Variants in LPGAT1 observed in about 807,000 individuals in gnomAD.
The protein encoded by LPGAT1 is lysophosphatidylglycerol acyltransferase 1.
Under a neutral mutation model 47.5 loss-of-function variants are expected in LPGAT1, and 11 were observed. That is an observed-to-expected ratio of 0.23 (90% CI 0.15 to 0.38). The LOEUF (loss-of-function observed/expected upper bound fraction) is 0.38. Among genes scored for constraint, LPGAT1 ranks in the 10% least tolerant of loss-of-function variants. The pLI is 1.00. For synonymous variants in LPGAT1, 138 were observed against 144.2 expected, an observed-to-expected ratio of 0.96 and a Z score of 0.31; for missense variants, 293 against 439.0, an observed-to-expected ratio of 0.67 and a Z score of 2.97.
At chr1:211,810,733 G>C (rs1157182126) in intron 2 of LPGAT1, among the ~76,000 whole-genome samples, 1 of 152,144 alleles carries the variant, frequency 6.6e-6, no homozygotes, top group Non-Finnish European at 1.5e-5. Context: ...GCTAGGAAAA[G>C]AAGTCATTGT....
At chr1:211,810,718 C>T (rs1054643590) in intron 2 of LPGAT1, among the ~76,000 whole-genome samples, 5 of 145,582 alleles carry the variant, frequency 3.4e-5, no homozygotes, top group African/African-American at 1.3e-4. Flanking sequence ...GTACGTACCA[C>T]AGAAGCTAGG....
At chr1:211,799,483 AG>A (rs1659481350) in intron 2 of LPGAT1, among the ~76,000 whole-genome samples, 1 of 152,240 alleles carries the variant, frequency 6.6e-6, no homozygotes, top group South Asian at 2.1e-4. Context: ...GTTAGGAAGT[AG>A]GGGAACTGGG....
In LPGAT1 at chr1:211,743,503, T is replaced by C. The variant is rs536531456; in HGVS notation, c.*6396A>G. 59 of 152,218 alleles carry C rather than the reference T, an allele frequency of 3.9e-4. No individual in the cohort carries two copies. Among genetic ancestry groups the C allele is most frequent in the Admixed American group, 8.5e-4 (13 of 15,278 alleles). The allele number at this position is 152,218 out of a possible 1,614,324, so 9.4% of individuals were successfully genotyped here. On this transcript the variant is annotated 3_prime_UTR_variant, in exon 8 of 8. Coordinates refer to ENST00000366997, the MANE Select transcript of LPGAT1 (RefSeq NM_014873.3). The stretch of plus-strand genomic sequence containing the variant: ...TGATTTCTATCATATCAGCATGTTA[T>C]GATATGGTCACGCCTGCTCATACAG...
chr1:211,780,246 A>G (rs980698641), intron 5 of LPGAT1, among the ~76,000 whole-genome samples: 19 of 152,246 alleles, frequency 1.2e-4, no homozygotes, highest in African/African-American at 4.1e-4. Context: ...AGTTTTAGCA[A>G]GAGTTATATA....
intron 2 of LPGAT1, among the ~76,000 whole-genome samples, chr1:211,811,847 C>T (rs1310625864): frequency 6.6e-6 from 1 of 150,970 alleles, no homozygotes; most frequent in African/African-American, 2.4e-5. Context: ...CAGAGTGAGA[C>T]TCTGCCTAAA....
rs756578391 is a variant in LPGAT1 at position 211,757,573 on chromosome 1, C to T, written c.855-6506G>A. On this transcript the variant is annotated intron_variant, in intron 6 of 7. Transcript: ENST00000366997. ...TTCAGCAATAGTTGTAGTGACTGCA[C>T]TGGATCTGCAGGTGTCATGGGTTTA... 3.2e-4 allele frequency among the ~76,000 whole-genome samples: 49 copies of T among 152,146 alleles called. 1 individual carries two copies. Among genetic ancestry groups the T allele is most frequent in the Non-Finnish European group, 6.5e-4 (44 of 68,034 alleles).
At chr1:211,793,889 T>C (rs1286542919) in intron 2 of LPGAT1, among the ~76,000 whole-genome samples, 1 of 151,956 alleles carries the variant, frequency 6.6e-6, no homozygotes, top group Non-Finnish European at 1.5e-5. Context: ...AATAGGAGAG[T>C]ATAAACCCGT....
chr1:211,828,611 C>CA (rs1273989878), intron 2 of LPGAT1, among the ~76,000 whole-genome samples: 6 of 152,170 alleles, frequency 3.9e-5, no homozygotes, highest in Non-Finnish European at 7.4e-5. Flanking sequence ...AAAAGGCTAA[C>CA]AGTACAATAT....
intron 2 of LPGAT1, among the ~76,000 whole-genome samples, chr1:211,817,281 A>C (rs1159609925): frequency 1.3e-5 from 2 of 152,188 alleles, no homozygotes; most frequent in Non-Finnish European, 2.9e-5. Context: ...TATTCATAAA[A>C]CCATCCGTCG....
At chr1:211,824,334 T>G (rs1264478109) in intron 2 of LPGAT1, among the ~76,000 whole-genome samples, 1 of 152,100 alleles carries the variant, frequency 6.6e-6, no homozygotes, top group Non-Finnish European at 1.5e-5. Flanking sequence ...AGAGAGAGGT[T>G]GTCGTGAGCC....
chr1:211,814,609 G>GT (rs1164402140), intron 2 of LPGAT1, among the ~76,000 whole-genome samples: 1 of 152,168 alleles, frequency 6.6e-6, no homozygotes, highest in Non-Finnish European at 1.5e-5. Context: ...CACTAGCTGT[G>GT]TAAGTAAATG....
intron 1 of LPGAT1, chr1:211,829,789 G>C: frequency 1.0e-6 from 1 of 989,562 alleles, no homozygotes; most frequent in South Asian, 4.6e-5. Flanking sequence ...GCACACCGAT[G>C]CATTCCTTTA....
chr1:211,775,078 T>A (rs1438217725), intron 6 of LPGAT1, among the ~76,000 whole-genome samples: 1 of 152,188 alleles, frequency 6.6e-6, no homozygotes, highest in Non-Finnish European at 1.5e-5. Context: ...TATGTTCCAG[T>A]GAGGTACAGA....
At chr1:211,757,528 G>A (rs887263533) in intron 6 of LPGAT1, among the ~76,000 whole-genome samples, 1 of 152,188 alleles carries the variant, frequency 6.6e-6, no homozygotes, top group Non-Finnish European at 1.5e-5. Flanking sequence ...CAGCATTATT[G>A]TGCTTCCAGG....
intron 4 of LPGAT1, 90 bp downstream of exon 4, chr1:211,787,542 T>A: frequency 4.3e-5 from 21 of 492,804 alleles, no homozygotes; most frequent in African/African-American, 6.2e-5. Context: ...CAGCCCTACC[T>A]ATTATAATTG....
chr1:211,777,395 C>G (rs1246942574), intron 6 of LPGAT1, among the ~76,000 whole-genome samples: 1 of 152,174 alleles, frequency 6.6e-6, no homozygotes, highest in African/African-American at 2.4e-5. Flanking sequence ...TATATCTCCT[C>G]ACTTGTCCTT....
chr1:211,756,965 T>C (rs4951425), intron 6 of LPGAT1, among the ~76,000 whole-genome samples: 52,660 of 150,360 alleles, frequency 0.35, 11,080 homozygotes, highest in East Asian at 0.72. Context: ...TGATTAAGCA[T>C]ACAAACTATC....
At chr1:211,787,226 G>A (rs1658917045) in intron 4 of LPGAT1, among the ~76,000 whole-genome samples, 1 of 152,130 alleles carries the variant, frequency 6.6e-6, no homozygotes, top group African/African-American at 2.4e-5. Context: ...GTGGCCAGTG[G>A]CTCACACTTG....
At position 211,783,239 on chromosome 1, in the gene LPGAT1, A is replaced by G. The variant is rs1658715183; in HGVS notation, c.717T>C (p.Ala239=). The G allele has an allele frequency of 1.2e-6, 2 of 1,610,056 alleles. No individual in the cohort carries two copies. The highest frequency in any genetic ancestry group is 2.2e-5 in the South Asian group (2 of 90,884). Residue 239 remains alanine, a synonymous_variant, in exon 5 of 8, where the codon GCT becomes GCC. Coordinates refer to ENST00000366997, the MANE Select transcript of LPGAT1 (RefSeq NM_014873.3). The stretch of plus-strand genomic sequence containing the variant: ...TAAAAACCATCATACCTAATTCTTT[A>G]GCATCTCCTCCTGCTGGACTTCCAT... ...QKNGSPAGGD[A]KELDSKSKGL...
Sources: gnomAD v4.1 joint callset for allele counts (sites outside exome capture counted in the v4.1 genomes callset) on GRCh38, gnomAD v4.1.1 for gene constraint, MANE v1.5 for transcripts, NCBI Gene and HGNC (gene_info 2026-07-23, HGNC 2026-07-21) for gene names.